PPHLN1: variants seen among roughly 807,000 people sequenced by gnomAD.
PPHLN1 encodes periphilin-1.
Under a neutral mutation model 51.3 loss-of-function variants are expected in PPHLN1, and 29 were observed. The observed-to-expected ratio is 0.57, with a 90% CI of 0.42 to 0.77. PPHLN1 has a LOEUF of 0.77. Among genes scored for constraint, PPHLN1 ranks in the 30% least tolerant of loss-of-function variants. The pLI is 0.00. For synonymous variants in PPHLN1, 147 were observed against 147.8 expected, an observed-to-expected ratio of 0.99 and a Z score of 0.04; for missense variants, 436 against 438.4, an observed-to-expected ratio of 0.99 and a Z score of 0.05.
intron 4 of PPHLN1, among the ~76,000 whole-genome samples, chr12:42,366,372 C>A (rs984981669): frequency 6.6e-6 from 1 of 151,746 alleles, no homozygotes; most frequent in East Asian, 1.9e-4. Flanking sequence ...GGATTACAGG[C>A]GTACGCCACC....
Position 42,402,986 on chromosome 12 carries a change from G to T in PPHLN1, c.909+3992G>T, listed in dbSNP as rs186307966. Among the ~76,000 whole-genome samples, 18 of 152,302 alleles carry T rather than the reference G, an allele frequency of 1.2e-4. No homozygotes were observed. In the South Asian group the frequency reaches 1.4e-3, roughly 12 times the overall value. ...TACATTTAAAGAGGCTAGAAGTAAA[G>T]ATTAGTGAAATGTACAGTCTTGAAA... On this transcript the variant is annotated intron_variant, in intron 9 of 9. Transcript: ENST00000358314.
intron 2 of PPHLN1, among the ~76,000 whole-genome samples, chr12:42,339,458 T>C (rs1327918401): frequency 6.6e-6 from 1 of 152,198 alleles, no homozygotes; most frequent in Non-Finnish European, 1.5e-5. Context: ...CTTAGATGGC[T>C]CTTGAAAATT....
chr12:42,365,464 C>A (rs1247853469), intron 4 of PPHLN1, among the ~76,000 whole-genome samples: 1 of 152,112 alleles, frequency 6.6e-6, no homozygotes, highest in Non-Finnish European at 1.5e-5. Flanking sequence ...TACTCATAAC[C>A]GGTGAACATA....
chr12:42,434,291 G>T (rs1355010989), intron 9 of PPHLN1, among the ~76,000 whole-genome samples: 15 of 152,208 alleles, frequency 9.9e-5, no homozygotes, highest in African/African-American at 3.4e-4. Flanking sequence ...GGAGGCTGGG[G>T]AATGAGGGAG....
chr12:42,374,773 G>T, intron 4 of PPHLN1, 90 bp from the exon 5 acceptor site: 3 of 1,106,930 alleles, frequency 2.7e-6, no homozygotes. Context: ...CAATTTAAAG[G>T]GTAGCTTATA....
intron 9 of PPHLN1, among the ~76,000 whole-genome samples, chr12:42,415,194 C>T (rs1022955216): frequency 6.6e-6 from 1 of 152,144 alleles, no homozygotes; most frequent in Admixed American, 6.5e-5. Context: ...TTTTTTGAGA[C>T]GTAGTCTTGC....
intron 2 of PPHLN1, among the ~76,000 whole-genome samples, chr12:42,337,947 CTAAT>C (rs888641885): frequency 4.6e-5 from 7 of 151,664 alleles, no homozygotes; most frequent in Admixed American, 2.0e-4. Flanking sequence ...CCACGCCTGG[CTAAT>C]TTTTATATTT....
rs779603127 is a variant in PPHLN1, at chr12:42,387,493, A to G, written c.606A>G (p.Arg202=). 6.2e-7 allele frequency: 1 copy of G among 1,613,678 alleles called. No individual in the cohort carries two copies. Residue 202 remains arginine, a synonymous_variant, in exon 7 of 10, where the codon AGA becomes AGG. Coordinates refer to ENST00000358314, the MANE Select transcript of PPHLN1 (RefSeq NM_201439.2). ...CTGTCCAGTCTTTGAAAACATCAAG[A>G]GATACTTCACCCTCAAGTGGTTCAG... ...ERPVQSLKTS[R]DTSPSSGSAV...
At chr12:42,409,002 A>G (rs116360504) in intron 9 of PPHLN1, among the ~76,000 whole-genome samples, 177 of 152,346 alleles carry the variant, frequency 1.2e-3, no homozygotes, top group African/African-American at 4.1e-3. Flanking sequence ...TAATTTATAA[A>G]TTAGGCACAG....
downstream of PPHLN1, chr12:42,446,446 G>A: frequency 3.8e-6 from 5 of 1,332,808 alleles, no homozygotes; most frequent in Non-Finnish European, 5.1e-6. Flanking sequence ...TACCCCCAGT[G>A]GGGTTCCTCA....
intron 7 of PPHLN1, among the ~76,000 whole-genome samples, chr12:42,391,735 C>T (rs2077735153): frequency 2.0e-5 from 3 of 152,106 alleles, no homozygotes; most frequent in Non-Finnish European, 4.4e-5. Flanking sequence ...AAAAGTATTA[C>T]TTATAATACC....
At chr12:42,411,902 T>TAAAA (rs2079871485) in intron 9 of PPHLN1, among the ~76,000 whole-genome samples, 1 of 14,614 alleles carries the variant, frequency 6.8e-5, no homozygotes, top group Non-Finnish European at 1.4e-4. Flanking sequence ...AGACTCAGTC[T>TAAAA]CAAAAAAAAA....
intron 9 of PPHLN1, among the ~76,000 whole-genome samples, chr12:42,429,518 C>T (rs1016852573): frequency 2.0e-5 from 3 of 152,212 alleles, no homozygotes; most frequent in African/African-American, 7.2e-5. Flanking sequence ...TGTCTTAGTG[C>T]TCCCTGCAAC....
At chr12:42,393,547 CAG>C in intron 7 of PPHLN1, 21 bp from the exon 8 acceptor site, 2 of 1,555,322 alleles carry the variant, frequency 1.3e-6, no homozygotes, top group Non-Finnish European at 1.7e-6. Flanking sequence ...AGAATTGTAA[CAG>C]AAATGTTCTA....
rs76292244 is a variant in PPHLN1, at chr12:42,408,584, A to C, written c.909+9590A>C. Among the ~76,000 whole-genome samples, 1,471 of 152,276 alleles carry C rather than the reference A, an allele frequency of 9.7e-3. 19 individuals carry two copies. The highest frequency in any genetic ancestry group is 0.015 in the Non-Finnish European group (1,038 of 68,006). ...TTTGGTGTTAGGGGATCTGGCTTAA[A>C]TCTCAGTTCAACTGCTTAATAATAT... is the stretch of plus-strand genomic sequence containing the variant. On this transcript the variant is annotated intron_variant, in intron 9 of 9. Transcript: ENST00000358314.
chr12:42,436,250 C>T (rs1490325166), intron 9 of PPHLN1, among the ~76,000 whole-genome samples: 2 of 151,580 alleles, frequency 1.3e-5, no homozygotes, highest in African/African-American at 4.9e-5. Context: ...TTTTAGATGT[C>T]TGCACTTGGC....
In PPHLN1 at chr12:42,425,699, T is replaced by G. The variant is rs186773923; in HGVS notation, c.910-15616T>G. Among the ~76,000 whole-genome samples the G allele has an allele frequency of 1.4e-4, 22 of 152,342 alleles. 1 individual carries two copies. The East Asian group carries it at 4.0e-3, about 28-fold the overall frequency. Reference sequence around the variant, plus strand: ...ACTGTGCCCAGCCTCCTCAGGTTTTTAAAATGACTTTTATTTTTAAAAAGT... The same window carrying G: ...ACTGTGCCCAGCCTCCTCAGGTTTTGAAAATGACTTTTATTTTTAAAAAGT... On this transcript the variant is annotated intron_variant, in intron 9 of 9. Transcript: ENST00000358314.
chr12:42,347,921 T>C (rs2072612748), intron 2 of PPHLN1, among the ~76,000 whole-genome samples: 1 of 152,182 alleles, frequency 6.6e-6, no homozygotes, highest in Non-Finnish European at 1.5e-5. Context: ...CCTGCAGTCA[T>C]CTTTGTTTCC....
intron 4 of PPHLN1, among the ~76,000 whole-genome samples, chr12:42,356,278 TCAG>T (rs775235910): frequency 6.6e-6 from 1 of 152,106 alleles, no homozygotes; most frequent in Non-Finnish European, 1.5e-5. Context: ...AGCACAGCAA[TCAG>T]CAGGAGGATC....
Sources: gnomAD v4.1 joint callset for allele counts (sites outside exome capture counted in the v4.1 genomes callset) on GRCh38, gnomAD v4.1.1 for gene constraint, MANE v1.5 for transcripts, NCBI Gene and HGNC (gene_info 2026-07-23, HGNC 2026-07-21) for gene names.